Variants in SFMBT2 observed in about 807,000 individuals in gnomAD.
SFMBT2 encodes the protein scm-like with four MBT domains protein 2.
In SFMBT2, 38 loss-of-function variants were observed where a neutral mutation model predicts 110.1. The ratio of observed to expected loss-of-function variants is 0.35; its 90% confidence interval spans 0.27 to 0.45. The LOEUF (loss-of-function observed/expected upper bound fraction) is 0.45, where lower values mean the gene tolerates loss of function less well. Ranked by LOEUF, SFMBT2 falls within the 20% of genes least tolerant of loss-of-function variation. The probability of loss-of-function intolerance (pLI) is 1.00; values close to 1 mark genes in which losing one functional copy is unlikely to be tolerated. For synonymous variants in SFMBT2, 425 were observed against 425.4 expected, an observed-to-expected ratio of 1.00 and a Z score of 0.01; for missense variants, 1,011 against 1,094.9, an observed-to-expected ratio of 0.92 and a Z score of 1.08.
rs1484015519 is a variant in SFMBT2, at chr10:7,323,462, A to AC, written c.437-37509_437-37508insG. Among the ~76,000 whole-genome samples the AC allele has an allele frequency of 1.1e-4, 13 of 115,166 alleles. No individual in the cohort carries two copies. In the East Asian group the frequency reaches 3.7e-3, roughly 32 times the overall value. The allele number at this position is 115,166 out of a possible 152,430, so 75.6% of individuals were successfully genotyped here. On this transcript the variant is annotated intron_variant, in intron 4 of 20. Transcript: ENST00000397167. The stretch of plus-strand genomic sequence containing the variant: ...CAAGACTCCATCTCAAAAAAAAAAA[A>AC]AAAAAACCAAAAAAAAAAAAAATGA...
chr10:7,335,405 C>T (rs1843688567), intron 4 of SFMBT2, among the ~76,000 whole-genome samples: 1 of 152,142 alleles, frequency 6.6e-6, no homozygotes, highest in Admixed American at 6.5e-5. Flanking sequence ...ACGCAGCTCA[C>T]CGGTATAATC....
chr10:7,171,110 C>T lies in SFMBT2; in HGVS notation c.2416-54G>A. 7 of 1,612,124 alleles carry T rather than the reference C, an allele frequency of 4.3e-6. No homozygotes were observed. Among genetic ancestry groups the T allele is most frequent in the Non-Finnish European group, 5.9e-6 (7 of 1,179,472 alleles). On this transcript the variant is annotated intron_variant, in intron 19 of 20. Coordinates refer to ENST00000397167, the MANE Select transcript of SFMBT2 (RefSeq NM_001387889.1). The surrounding 1 kb of genome is among the most constrained non-coding windows in gnomAD (Gnocchi z 4.9). ...CTGCGGCACAGTCAGCTGGCTGGGT[C>T]CTCTCCAGCACTCTCCAGGCCTCGG...
intron 2 of SFMBT2, among the ~76,000 whole-genome samples, chr10:7,378,058 TGA>T (rs1379425086): frequency 9.5e-5 from 14 of 147,020 alleles, no homozygotes; most frequent in South Asian, 2.2e-4. Context: ...TGGATGGATG[TGA>T]GTGTGTGTGT....
At chr10:7,232,772 T>C (rs1478686785) in intron 9 of SFMBT2, among the ~76,000 whole-genome samples, 1 of 152,196 alleles carries the variant, frequency 6.6e-6, no homozygotes, top group African/African-American at 2.4e-5. Context: ...ATTTCATTAA[T>C]AAAAAATTAT....
intron 6 of SFMBT2, among the ~76,000 whole-genome samples, chr10:7,277,805 A>G (rs1253361625): frequency 6.6e-6 from 1 of 152,254 alleles, no homozygotes; most frequent in African/African-American, 2.4e-5. Context: ...AGGCTACTTC[A>G]GACAGACGCT....
intron 4 of SFMBT2, among the ~76,000 whole-genome samples, chr10:7,340,655 CAAAAAAAAAAAA>C (rs776262305): frequency 2.3e-5 from 2 of 86,784 alleles, no homozygotes; most frequent in Admixed American, 2.7e-4. Context: ...GAACCTATCT[CAAAAAAAAAAAA>C]AAAAAAAAAT....
chr10:7,304,979 T>C (rs1409974044), intron 4 of SFMBT2, among the ~76,000 whole-genome samples: 2 of 152,208 alleles, frequency 1.3e-5, no homozygotes. Context: ...GTTATCTTCC[T>C]CCCTTTTCTT....
Position 7,220,546 on chromosome 10 carries a change from G to A in SFMBT2, c.1204-9C>T, listed in dbSNP as rs1341696840. 1 of 1,613,938 alleles carries A rather than the reference G, an allele frequency of 6.2e-7. No individual in the cohort carries two copies. The highest frequency in any genetic ancestry group is 2.2e-5 in the East Asian group (1 of 44,862). On this transcript the variant is annotated splice_polypyrimidine_tract_variant and intron_variant, in intron 10 of 20. Coordinates refer to ENST00000397167, the MANE Select transcript of SFMBT2 (RefSeq NM_001387889.1). ...CCTCGACTGAATGATGTCTGCAAGA[G>A]AAACGAGACCAACACTGAGCCAGTG... is the stretch of plus-strand genomic sequence containing the variant.
chr10:7,198,807 G>A (rs952690755), intron 14 of SFMBT2, among the ~76,000 whole-genome samples: 5 of 152,016 alleles, frequency 3.3e-5, no homozygotes, highest in African/African-American at 9.7e-5. Context: ...TTGGGAGGCC[G>A]AGGTGGGTGG....
intron 4 of SFMBT2, among the ~76,000 whole-genome samples, chr10:7,358,569 TCTAGAACATCTGCATGGCC>T (rs1485589420): frequency 6.9e-5 from 8 of 116,218 alleles, no homozygotes; most frequent in Non-Finnish European, 1.3e-4. Context: ...GAGGCATGGT[TCTAGAACATCTGCATGGCC>T]CTAGAACATC....
At chr10:7,219,818 A>T (rs1839666196) in intron 11 of SFMBT2, 1 of 233,664 alleles carries the variant, frequency 4.3e-6, no homozygotes, top group East Asian at 1.8e-4. Context: ...ATGGTTTTCT[A>T]CTTAAATATA....
chr10:7,402,389 AAT>A (rs1846104613), intron 1 of SFMBT2, among the ~76,000 whole-genome samples: 1 of 152,186 alleles, frequency 6.6e-6, no homozygotes, highest in Admixed American at 6.5e-5. Flanking sequence ...GGAAAAATCA[AAT>A]ATAGAGGAGG....
chr10:7,349,863 T>A (rs1844252659), intron 4 of SFMBT2, among the ~76,000 whole-genome samples: 1 of 152,148 alleles, frequency 6.6e-6, no homozygotes, highest in South Asian at 2.1e-4. Flanking sequence ...CAGTGGGATT[T>A]CAAGGACAGT....
intron 4 of SFMBT2, among the ~76,000 whole-genome samples, chr10:7,305,320 T>C (rs1365860219): frequency 6.6e-6 from 1 of 152,198 alleles, no homozygotes; most frequent in Non-Finnish European, 1.5e-5. Context: ...ATATTTAGGT[T>C]CTTTTACAGA....
chr10:7,231,644 A>G (rs1350174986), intron 9 of SFMBT2, among the ~76,000 whole-genome samples: 1 of 152,166 alleles, frequency 6.6e-6, no homozygotes, highest in African/African-American at 2.4e-5. Flanking sequence ...TTCTAATCTG[A>G]TAATTTCTAG....
rs751858087 is a variant in SFMBT2 at position 7,284,000 on chromosome 10, T to C, written c.676A>G (p.Thr226Ala). 2 of 1,611,206 alleles carry C rather than the reference T, an allele frequency of 1.2e-6. No individual in the cohort carries two copies. The change falls in exon 6 of 21, where the codon ACT becomes GCT. Residue 226 changes from threonine (T) to alanine (A), a missense_variant. By Grantham distance (58) the Thr-to-Ala change is moderately conservative. Coordinates refer to ENST00000397167, the MANE Select transcript of SFMBT2 (RefSeq NM_001387889.1). ...AACAACCACTGGTCATAGGATTCAG[T>C]GTCCTCCAATCCCACATAGCGAAGG... Reference protein sequence around the residue: ...LRLRYVGLEDTESYDQWLFYL... With the variant: ...LRLRYVGLEDAESYDQWLFYL...
Position 7,163,548 on chromosome 10 carries a change from C to CCGT in SFMBT2, c.*221_*222insACG. 1 of 506,752 alleles carries CCGT rather than the reference C, an allele frequency of 2.0e-6. No homozygotes were observed. The allele number at this position is 506,752 out of a possible 1,614,324, so 31.4% of individuals were successfully genotyped here. A position where few individuals can be genotyped will look rare whatever the true frequency, so the allele number is the denominator to read the frequency against. On this transcript the variant is annotated 3_prime_UTR_variant, in exon 21 of 21. Coordinates refer to ENST00000397167, the MANE Select transcript of SFMBT2 (RefSeq NM_001387889.1). This position sits in a 1 kb window ranked among gnomAD's most constrained non-coding sequence, Gnocchi z 4.8. ...GGCCCACGTCTGGCAGGGTCTGATG[C>CCGT]ATGACTTTAACTGGCACTCCCCAGA... is the stretch of plus-strand genomic sequence containing the variant.
intron 1 of SFMBT2, among the ~76,000 whole-genome samples, chr10:7,382,748 T>C (rs1845462009): frequency 6.6e-6 from 1 of 152,312 alleles, no homozygotes; most frequent in South Asian, 2.1e-4. Context: ...CCAGTTAAAG[T>C]ATCGATGTTT....
intron 10 of SFMBT2, among the ~76,000 whole-genome samples, chr10:7,226,088 G>T (rs549856048): frequency 4.6e-5 from 7 of 152,316 alleles, no homozygotes; most frequent in Admixed American, 3.9e-4. Flanking sequence ...GTGCAAAGGC[G>T]ACATCATTCG....
Sources: allele counts gnomAD v4.1 joint callset (sites outside exome capture counted in the v4.1 genomes callset), GRCh38; gene constraint gnomAD v4.1.1; non-coding constraint Gnocchi (gnomAD v3.1); transcripts MANE v1.5; gene names NCBI Gene and HGNC (gene_info 2026-07-23, HGNC 2026-07-21).